SCGB2B2: variants seen among roughly 807,000 people sequenced by gnomAD.
The protein encoded by SCGB2B2 is secretoglobin-like protein.
In SCGB2B2, 11 loss-of-function variants were observed where a neutral mutation model predicts 7.6. That is an observed-to-expected ratio of 1.45 (90% CI 0.91 to 2.40). The LOEUF (loss-of-function observed/expected upper bound fraction) is 2.40. SCGB2B2 is among the 30% of genes most tolerant of loss of function. The pLI, the probability that SCGB2B2 is intolerant of heterozygous loss-of-function variation, is 0.00. For missense variants in SCGB2B2, 104 were observed against 115.4 expected, an observed-to-expected ratio of 0.90 and a Z score of 0.45; for synonymous variants, 50 against 48.6, an observed-to-expected ratio of 1.03 and a Z score of -0.12.
chr19:34,628,031 T>C (rs1400232303), intron 1 of SCGB2B2, among the ~76,000 whole-genome samples: 8 of 152,094 alleles, frequency 5.3e-5, no homozygotes, highest in South Asian at 4.2e-4. Context: ...ACTGGGTACA[T>C]AACAAAATGA....
rs1453609976 is a variant in SCGB2B2, at chr19:34,596,050, A to T, written c.-1487T>A. ...CAGACTGAGTGGGCTCACCTCGGCC[A>T]GGCATGAGCCATCACTGTGCACGTA... On this transcript the variant is annotated 5_prime_UTR_variant, in exon 2 of 4. Coordinates refer to ENST00000601241, the MANE Select transcript of SCGB2B2 (RefSeq NM_001025591.4). The T allele has an allele frequency of 6.6e-6, 1 of 152,422 alleles. No individual in the cohort carries two copies. The highest frequency in any genetic ancestry group is 1.9e-4 in the East Asian group (1 of 5,204). 9.4% of individuals were successfully genotyped at this position (152,422 alleles called of 1,614,324 possible). A position where few individuals can be genotyped will look rare whatever the true frequency, so the allele number is the denominator to read the frequency against.
At chr19:34,597,125 T>C (rs1489774133) in intron 1 of SCGB2B2, among the ~76,000 whole-genome samples, 1 of 151,836 alleles carries the variant, frequency 6.6e-6, no homozygotes, top group Non-Finnish European at 1.5e-5. Context: ...ATCACCTGCC[T>C]GTGCCCAGCC....
intron 1 of SCGB2B2, among the ~76,000 whole-genome samples, chr19:34,662,927 T>A: frequency 1.3e-5 from 2 of 150,442 alleles, no homozygotes; most frequent in African/African-American, 2.5e-5. Context: ...AGAGACCCTG[T>A]CTCCAAAAAA....
intron 1 of SCGB2B2, among the ~76,000 whole-genome samples, chr19:34,604,382 CTGAA>C (rs1377195585): frequency 3.9e-5 from 6 of 152,282 alleles, no homozygotes; most frequent in African/African-American, 1.4e-4. Context: ...GGGTGAGCCC[CTGAA>C]TGAATAGATG....
At chr19:34,597,905 G>C (rs1406320766) in intron 1 of SCGB2B2, among the ~76,000 whole-genome samples, 1 of 152,124 alleles carries the variant, frequency 6.6e-6, no homozygotes. Context: ...GGGGCTGGTG[G>C]GTGGGTCAGG....
chr19:34,594,428 G>A, intron 2 of SCGB2B2, 69 bp from the exon 3 acceptor site: 3 of 1,591,542 alleles, frequency 1.9e-6, no homozygotes, highest in Non-Finnish European at 2.6e-6. Context: ...CATGGCCAAT[G>A]AGACCTTGGG....
rs904160020 is a variant in SCGB2B2 at position 34,661,876 on chromosome 19, TTTTAA to T, written c.-2032+13749_-2032+13753del. Among the ~76,000 whole-genome samples, 6 of 152,252 alleles carry T rather than the reference TTTTAA, an allele frequency of 3.9e-5. No individual in the cohort carries two copies. The East Asian group carries it at 7.7e-4, about 20-fold the overall frequency. ...CTATTGTTAGTGTTAGTGTATTTTT[TTTTAA>T]TTTAATTTAATTTTTTTGAGATGGA... On this transcript the variant is annotated intron_variant, in intron 1 of 3. Coordinates refer to ENST00000601241, the MANE Select transcript of SCGB2B2 (RefSeq NM_001025591.4).
chr19:34,650,229 C>G (rs1053078088), intron 1 of SCGB2B2, among the ~76,000 whole-genome samples: 1 of 151,248 alleles, frequency 6.6e-6, no homozygotes, highest in Non-Finnish European at 1.5e-5. Context: ...CCAGGCCTGA[C>G]ATTTACCTTT....
At chr19:34,659,172 C>T (rs533958819) in intron 1 of SCGB2B2, among the ~76,000 whole-genome samples, 5 of 152,270 alleles carry the variant, frequency 3.3e-5, no homozygotes, top group African/African-American at 9.6e-5. Context: ...GATAAACCCA[C>T]AGCCAGTATC....
chr19:34,612,983 T>A (rs1160839197), intron 1 of SCGB2B2, among the ~76,000 whole-genome samples: 1 of 152,198 alleles, frequency 6.6e-6, no homozygotes, highest in Non-Finnish European at 1.5e-5. Flanking sequence ...TGAATGACCT[T>A]CTTTGTCTCT....
chr19:34,609,210 T>C (rs139190823), intron 1 of SCGB2B2, among the ~76,000 whole-genome samples: 156 of 152,218 alleles, frequency 1.0e-3, no homozygotes, highest in African/African-American at 3.7e-3. Context: ...GTTCCTTGTA[T>C]ATTCTGGATA....
chr19:34,659,126 G>C (rs978860218), intron 1 of SCGB2B2, among the ~76,000 whole-genome samples: 1 of 152,140 alleles, frequency 6.6e-6, no homozygotes, highest in African/African-American at 2.4e-5. Context: ...ACTAGGTATT[G>C]ATGGGACGTA....
chr19:34,587,215 GT>G, downstream of SCGB2B2, among the ~76,000 whole-genome samples: 1 of 152,164 alleles, frequency 6.6e-6, no homozygotes, highest in Non-Finnish European at 1.5e-5. Context: ...GCAATATGTA[GT>G]TTTTTTGAGT....
At chr19:34,623,985 T>C (rs1204498695) in intron 1 of SCGB2B2, among the ~76,000 whole-genome samples, 1 of 152,156 alleles carries the variant, frequency 6.6e-6, no homozygotes, top group Non-Finnish European at 1.5e-5. Context: ...TGAGGTCTGA[T>C]CACTTATAGA....
intron 1 of SCGB2B2, among the ~76,000 whole-genome samples, chr19:34,669,099 C>T (rs1391665482): frequency 6.6e-6 from 1 of 152,116 alleles, no homozygotes; most frequent in African/African-American, 2.4e-5. Flanking sequence ...CTGAAGCCAG[C>T]GAGACCACGA....
At chr19:34,637,312 C>T (rs1419988790) in intron 1 of SCGB2B2, among the ~76,000 whole-genome samples, 1 of 152,148 alleles carries the variant, frequency 6.6e-6, no homozygotes, top group Non-Finnish European at 1.5e-5. Context: ...GGGGAGGGGA[C>T]AGAGAATGCA....
At chr19:34,641,503 C>T (rs2066839422) in intron 1 of SCGB2B2, among the ~76,000 whole-genome samples, 1 of 152,192 alleles carries the variant, frequency 6.6e-6, no homozygotes, top group African/African-American at 2.4e-5. Flanking sequence ...TAAATTTGGC[C>T]TGAGGCTGTC....
At chr19:34,647,118 C>A (rs1356057705) in intron 1 of SCGB2B2, among the ~76,000 whole-genome samples, 2 of 152,200 alleles carry the variant, frequency 1.3e-5, no homozygotes, top group Non-Finnish European at 2.9e-5. Context: ...ACCTGCAGCT[C>A]AGCTCTGCTC....
chr19:34,592,399 G>A lies in SCGB2B2; in HGVS notation c.*1156C>T, dbSNP rs1399276286. Among the ~76,000 whole-genome samples the A allele has an allele frequency of 2.0e-5, 3 of 152,140 alleles. No individual in the cohort carries two copies. Among genetic ancestry groups the A allele is most frequent in the Non-Finnish European group, 4.4e-5 (3 of 68,028 alleles). On this transcript the variant is annotated 3_prime_UTR_variant, in exon 4 of 4. Coordinates refer to ENST00000601241, the MANE Select transcript of SCGB2B2 (RefSeq NM_001025591.4). ...CCCATGGAAGGGGAGTGAGGCTGGA[G>A]GCAGGGAGACTCAGAGGGATGGAGG...
Sources: allele counts gnomAD v4.1 joint callset (sites outside exome capture counted in the v4.1 genomes callset), GRCh38; gene constraint gnomAD v4.1.1; transcripts MANE v1.5; gene names NCBI Gene and HGNC (gene_info 2026-07-23, HGNC 2026-07-21).